The following FRMPD4 variants were observed in gnomAD, a reference collection of about 807,000 sequenced individuals.
FRMPD4 encodes FERM and PDZ domain containing 4.
In FRMPD4, 22 loss-of-function variants were observed where a neutral mutation model predicts 94.1. The ratio of observed to expected loss-of-function variants is 0.23; its 90% CI spans 0.17 to 0.33. The LOEUF (loss-of-function observed/expected upper bound fraction) is 0.33. Ranked by LOEUF, FRMPD4 falls within the 10% of genes least tolerant of loss-of-function variation. FRMPD4 has a pLI of 1.00. For synonymous variants in FRMPD4, 631 were observed against 548.6 expected, an observed-to-expected ratio of 1.15 and a Z score of -2.10; for missense variants, 1,111 against 1,339.9, an observed-to-expected ratio of 0.83 and a Z score of 2.67.
chrX:12,170,797 C>CT (rs1010792668), intron 1 of FRMPD4, among the ~76,000 whole-genome samples: 2 of 112,854 alleles, frequency 1.8e-5, no homozygotes, highest in Non-Finnish European at 3.7e-5. Context: ...AACTCTGGAG[C>CT]TTAACTCATC....
intron 1 of FRMPD4, among the ~76,000 whole-genome samples, chrX:12,275,113 A>G (rs1172450419): frequency 8.9e-6 from 1 of 111,962 alleles, no homozygotes; most frequent in East Asian, 2.8e-4. Flanking sequence ...TGCAATCCCT[A>G]ATGCTGGAGG....
At chrX:12,449,946 G>A (rs1344371947) in intron 1 of FRMPD4, among the ~76,000 whole-genome samples, 1 of 109,695 alleles carries the variant, frequency 9.1e-6, no homozygotes, top group Non-Finnish European at 1.9e-5. Flanking sequence ...CCATGTTTGC[G>A]CCACTGCACT....
At chrX:12,135,207 A>G (rs756827944), upstream of FRMPD4, among the ~76,000 whole-genome samples, 5 of 111,535 alleles carry the variant, frequency 4.5e-5, no homozygotes, top group Admixed American at 2.9e-4. Flanking sequence ...GTTAATAAGA[A>G]AACTTCAGAA....
At chrX:12,698,765 C>T (rs900050266) in intron 9 of FRMPD4, among the ~76,000 whole-genome samples, 6 of 111,266 alleles carry the variant, frequency 5.4e-5, no homozygotes, top group Admixed American at 4.8e-4. Flanking sequence ...GAAATATGGT[C>T]CCAGCTATGA....
chrX:12,104,628 G>T (rs1286281043), intron 3 of FRMPD4, among the ~76,000 whole-genome samples: 1 of 112,067 alleles, frequency 8.9e-6, no homozygotes, highest in Non-Finnish European at 1.9e-5. Flanking sequence ...TAATGTGGGG[G>T]CACACACATA....
At chrX:12,301,067 T>C (rs979849752) in intron 1 of FRMPD4, among the ~76,000 whole-genome samples, 4 of 111,617 alleles carry the variant, frequency 3.6e-5, no homozygotes, top group African/African-American at 1.3e-4. Context: ...CTATAACTGC[T>C]TTCTCTTTCT....
chrX:12,348,354 A>G (rs865889472), intron 1 of FRMPD4, among the ~76,000 whole-genome samples: 1 of 110,535 alleles, frequency 9.0e-6, no homozygotes, highest in African/African-American at 3.3e-5. Context: ...GCATTCACTC[A>G]CTGTCATATT....
chrX:12,654,404 C>G (rs185726702), intron 4 of FRMPD4, among the ~76,000 whole-genome samples: 1 of 111,556 alleles, frequency 9.0e-6, no homozygotes, highest in Admixed American at 9.6e-5. Context: ...AAATGTGTTA[C>G]TGGTGAAAGA....
At chrX:11,964,153 T>TTTGTTGTTG (rs199751809) in intron 3 of FRMPD4, among the ~76,000 whole-genome samples, 1 of 106,629 alleles carries the variant, frequency 9.4e-6, no homozygotes, top group Non-Finnish European at 1.9e-5. Context: ...CAGTGCTTTT[T>TTTGTTGTTG]TTGTTGTTGT....
chrX:12,670,069 T>C (rs1301316104), intron 4 of FRMPD4, among the ~76,000 whole-genome samples: 1 of 111,962 alleles, frequency 8.9e-6, no homozygotes, highest in African/African-American at 3.2e-5. Flanking sequence ...CATATCAGCT[T>C]CCCTTTCCAG....
At chrX:12,374,755 T>C (rs1230970317) in intron 1 of FRMPD4, among the ~76,000 whole-genome samples, 1 of 111,242 alleles carries the variant, frequency 9.0e-6, no homozygotes, top group African/African-American at 3.3e-5. Context: ...GTGGTGCTGT[T>C]TCTTGGGGGC....
chrX:12,038,827 T>C (rs2054734236), intron 3 of FRMPD4, among the ~76,000 whole-genome samples: 1 of 112,321 alleles, frequency 8.9e-6, no homozygotes, highest in Non-Finnish European at 1.9e-5. Flanking sequence ...TTGTTTCTTC[T>C]ATTTTTTTGT....
At chrX:12,133,371 G>A (rs857343) in intron 3 of FRMPD4, among the ~76,000 whole-genome samples, 1 of 108,770 alleles carries the variant, frequency 9.2e-6, no homozygotes, top group Non-Finnish European at 1.9e-5. Context: ...TGCACCCAGC[G>A]AAACCCTTCT....
chrX:12,492,903 G>A (rs753426218), intron 1 of FRMPD4, among the ~76,000 whole-genome samples: 59 of 111,653 alleles, frequency 5.3e-4, no homozygotes, highest in African/African-American at 1.8e-3. Flanking sequence ...AAAGCAGCCT[G>A]ATTCAGGACC....
At chrX:12,394,030 TAA>T (rs1277491014) in intron 1 of FRMPD4, among the ~76,000 whole-genome samples, 1 of 111,477 alleles carries the variant, frequency 9.0e-6, no homozygotes, top group African/African-American at 3.3e-5. Context: ...TATGGTGATA[TAA>T]GTTATCACCA....
intron 3 of FRMPD4, among the ~76,000 whole-genome samples, chrX:11,989,815 T>G (rs2054454373): frequency 9.0e-6 from 1 of 111,390 alleles, no homozygotes; most frequent in Non-Finnish European, 1.9e-5. Flanking sequence ...AAAAATAATG[T>G]TGATGAGGAT....
chrX:12,075,797 T>C (rs1454361260), intron 3 of FRMPD4, among the ~76,000 whole-genome samples: 2 of 112,313 alleles, frequency 1.8e-5, no homozygotes, highest in Non-Finnish European at 3.8e-5. Flanking sequence ...GAACTGGGCT[T>C]CCCATGGGTC....
intron 1 of FRMPD4, among the ~76,000 whole-genome samples, chrX:12,368,744 C>A (rs1401518500): frequency 9.1e-6 from 1 of 110,241 alleles, no homozygotes; most frequent in Non-Finnish European, 1.9e-5. Context: ...CTGGGCCTGG[C>A]GGCGGGCGCC....
intron 3 of FRMPD4, among the ~76,000 whole-genome samples, chrX:11,996,638 A>G (rs1284421394): frequency 8.9e-6 from 1 of 112,256 alleles, no homozygotes; most frequent in Admixed American, 9.4e-5. Flanking sequence ...GCTGTAGACA[A>G]TGGTTTGTCT....
Sources: gnomAD v4.1 joint callset for allele counts (sites outside exome capture counted in the v4.1 genomes callset) on GRCh38, gnomAD v4.1.1 for gene constraint, MANE v1.5 for transcripts, NCBI Gene and HGNC (gene_info 2026-07-23, HGNC 2026-07-21) for gene names.